USP34: variants seen among roughly 807,000 people sequenced by gnomAD.
The protein encoded by USP34 is ubiquitin specific peptidase 34, also known as ubiquitin carboxyl-terminal hydrolase 34.
Under a neutral mutation model 460.3 loss-of-function variants are expected in USP34, and 70 were observed. That is an observed-to-expected ratio of 0.15 (90% CI 0.13 to 0.19). The LOEUF is 0.19. USP34 is among the 10% of genes least tolerant of loss of function. The pLI, the probability that USP34 is intolerant of heterozygous loss-of-function variation, is 1.00. For synonymous variants in USP34, 1,647 were observed against 1,405.3 expected (o/e 1.17, Z -3.85); for missense variants, 3,985 against 4,236.2 (o/e 0.94, Z 1.65).
intron 10 of USP34, among the ~76,000 whole-genome samples, chr2:61,356,489 A>G (rs1244271212): frequency 6.9e-6 from 1 of 144,250 alleles, no homozygotes; most frequent in Non-Finnish European, 1.6e-5. Flanking sequence ...ACACACACAC[A>G]CACACACACA....
intron 1 of USP34, among the ~76,000 whole-genome samples, chr2:61,456,093 TTA>T (rs753186214): frequency 4.6e-5 from 7 of 152,286 alleles, no homozygotes; most frequent in Non-Finnish European, 1.0e-4. Flanking sequence ...ACACAAGTGT[TTA>T]TGTTTTTAAA....
intron 25 of USP34, 66 bp from the exon 26 acceptor site, chr2:61,311,976 T>C (rs1219079402): frequency 1.5e-5 from 24 of 1,564,888 alleles, no homozygotes; most frequent in Non-Finnish European, 1.8e-5. Flanking sequence ...GTTACGCAAA[T>C]TTTTATCATC....
At chr2:61,284,514 T>C (rs1689630400) in intron 35 of USP34, among the ~76,000 whole-genome samples, 2 of 152,206 alleles carry the variant, frequency 1.3e-5, no homozygotes, top group African/African-American at 2.4e-5. Flanking sequence ...ATGAACTATA[T>C]GTTAGATAAC....
intron 3 of USP34, among the ~76,000 whole-genome samples, chr2:61,401,108 G>A (rs1176519291): frequency 2.3e-5 from 3 of 133,144 alleles, no homozygotes; most frequent in South Asian, 2.4e-4. Context: ...CCGAGATCGC[G>A]CCATTGCACT....
chr2:61,434,233 C>T (rs1694752598), intron 1 of USP34, among the ~76,000 whole-genome samples: 1 of 152,202 alleles, frequency 6.6e-6, no homozygotes, highest in African/African-American at 2.4e-5. Flanking sequence ...CAATAAGGGC[C>T]TCAGAAACAT....
intron 10 of USP34, among the ~76,000 whole-genome samples, chr2:61,352,298 A>G (rs1691963693): frequency 6.6e-6 from 1 of 151,982 alleles, no homozygotes; most frequent in African/African-American, 2.4e-5. Context: ...ATAAAAACAC[A>G]TATATACATG....
chr2:61,414,976 AG>A (rs1694150896), intron 2 of USP34, among the ~76,000 whole-genome samples: 1 of 152,198 alleles, frequency 6.6e-6, no homozygotes, highest in Non-Finnish European at 1.5e-5. Context: ...GATTAGTTGC[AG>A]GAGGGGACCA....
intron 1 of USP34, among the ~76,000 whole-genome samples, chr2:61,465,413 ATC>A (rs1695731858): frequency 6.6e-6 from 1 of 152,208 alleles, no homozygotes; most frequent in African/African-American, 2.4e-5. Flanking sequence ...ACTGTTCATA[ATC>A]TGTTACTTTT....
chr2:61,406,272 C>T, intron 2 of USP34, 144 bp from the exon 3 acceptor site: 1 of 695,600 alleles, frequency 1.4e-6, no homozygotes, highest in Non-Finnish European at 2.2e-6. Flanking sequence ...ACCTTAATAA[C>T]ATAAAGATAG....
chr2:61,386,969 T>C (rs1260962120), intron 5 of USP34, among the ~76,000 whole-genome samples: 4 of 152,122 alleles, frequency 2.6e-5, no homozygotes, highest in Admixed American at 6.6e-5. Context: ...GTGGAAGATA[T>C]TGGCAATACA....
intron 20 of USP34, among the ~76,000 whole-genome samples, chr2:61,327,532 A>G (rs1691133020): frequency 6.6e-6 from 1 of 152,230 alleles, no homozygotes; most frequent in South Asian, 2.1e-4. Context: ...ACGTTACTGT[A>G]TCCTCTTGCC....
rs918582025 is a variant in USP34 at position 61,319,975 on chromosome 2, T to C, written c.3014-648A>G. ...TACAAACCACTAAGATAGTTATTTA[T>C]CCAGTTTTTGGCGAATCGGTGGTGG... On this transcript the variant is annotated intron_variant, in intron 21 of 79. Coordinates refer to ENST00000398571, the MANE Select transcript of USP34 (RefSeq NM_014709.4). Among the ~76,000 whole-genome samples the C allele has an allele frequency of 2.9e-4, 44 of 152,350 alleles. 1 individual carries two copies. The highest frequency in any genetic ancestry group is 2.2e-3 in the Admixed American group (33 of 15,298).
intron 34 of USP34, among the ~76,000 whole-genome samples, chr2:61,285,353 G>C (rs888113083): frequency 1.4e-4 from 21 of 151,974 alleles, no homozygotes; most frequent in South Asian, 2.1e-4. Flanking sequence ...CTGGGTGTGT[G>C]GTGCATGTCT....
chr2:61,302,039 C>T (rs915630356), intron 27 of USP34, among the ~76,000 whole-genome samples: 1 of 152,080 alleles, frequency 6.6e-6, no homozygotes, highest in Non-Finnish European at 1.5e-5. Context: ...TTCCCAGTTC[C>T]ACAAGGGCAG....
At chr2:61,328,275 C>G (rs1437162179) in intron 20 of USP34, among the ~76,000 whole-genome samples, 2 of 145,650 alleles carry the variant, frequency 1.4e-5, no homozygotes, top group Non-Finnish European at 3.0e-5. Context: ...GCACTCCAGC[C>G]TGGGCAAAAG....
chr2:61,458,359 A>G (rs1372957552), intron 1 of USP34, among the ~76,000 whole-genome samples: 2 of 151,698 alleles, frequency 1.3e-5, no homozygotes, highest in African/African-American at 4.8e-5. Flanking sequence ...TCAGGAGTTC[A>G]AGAGAAGCCT....
At chr2:61,292,264 G>A (rs139791249) in intron 33 of USP34, among the ~76,000 whole-genome samples, 76 of 151,926 alleles carry the variant, frequency 5.0e-4, no homozygotes, top group African/African-American at 1.8e-3. Flanking sequence ...TAAGAAACAA[G>A]AACAATCCTG....
Position 61,229,021 on chromosome 2 carries a change from G to C in USP34, c.7200-26C>G, listed in dbSNP as rs751827248. On this transcript the variant is annotated intron_variant, in intron 59 of 79. Coordinates refer to ENST00000398571, the MANE Select transcript of USP34 (RefSeq NM_014709.4). Reference sequence around the variant, plus strand: ...CTAAGAGACAATTAAATAGATCTTAGAGAATGTATGAGGTCTGGAAATACT... The same window carrying C: ...CTAAGAGACAATTAAATAGATCTTACAGAATGTATGAGGTCTGGAAATACT... The C allele has an allele frequency of 1.6e-5, 24 of 1,500,820 alleles. No individual in the cohort carries two copies. The Middle Eastern group carries it at 5.4e-4, about 34-fold the overall frequency. The allele number at this position is 1,500,820 out of a possible 1,614,324, so 93.0% of individuals were successfully genotyped here. A position where few individuals can be genotyped will look rare whatever the true frequency, so the allele number is the denominator to read the frequency against.
chr2:61,297,636 T>A (rs1185104234), intron 29 of USP34, among the ~76,000 whole-genome samples: 1 of 152,242 alleles, frequency 6.6e-6, no homozygotes, highest in Non-Finnish European at 1.5e-5. Flanking sequence ...ACTATCACAG[T>A]GATTCTTTGG....
Sources: allele counts gnomAD v4.1 joint callset (sites outside exome capture counted in the v4.1 genomes callset), GRCh38; gene constraint gnomAD v4.1.1; transcripts MANE v1.5; gene names NCBI Gene and HGNC (gene_info 2026-07-23, HGNC 2026-07-21).